MAST2: variants seen among roughly 807,000 people sequenced by gnomAD.
MAST2 encodes the protein microtubule-associated serine/threonine-protein kinase 2.
MAST2 carries 70 observed loss-of-function variants against 147.4 expected under a neutral mutation model. That is an observed-to-expected ratio of 0.47 (90% CI 0.39 to 0.58). The LOEUF is 0.58. Among genes scored for constraint, MAST2 ranks in the 20% least tolerant of loss-of-function variants. The pLI is 0.00. For synonymous variants in MAST2, 869 were observed against 896.8 expected, an observed-to-expected ratio of 0.97 and a Z score of 0.55; for missense variants, 2,080 against 2,302.3, an observed-to-expected ratio of 0.90 and a Z score of 1.98.
rs750059737 is a variant in MAST2 at position 46,034,059 on chromosome 1, C to G, written c.3675-14C>G. 11 of 1,611,070 alleles carry G rather than the reference C, an allele frequency of 6.8e-6. No individual in the cohort carries two copies. The highest frequency in any genetic ancestry group is 1.3e-5 in the African/African-American group (1 of 74,996). On this transcript the variant is annotated splice_polypyrimidine_tract_variant and intron_variant, in intron 27 of 28. Transcript: ENST00000361297. ...TCACTGCACCGACTCAGCCTTTGAC[C>G]CTTATCCCCGCAGCAGAAAAAGGAG...
At chr1:45,943,738 C>G (rs1031119600) in intron 4 of MAST2, among the ~76,000 whole-genome samples, 1 of 151,924 alleles carries the variant, frequency 6.6e-6, no homozygotes, top group Non-Finnish European at 1.5e-5. Context: ...AAGAGCAAAA[C>G]TCTGTCTCAA....
chr1:46,025,874 T>C, intron 16 of MAST2, 59 bp downstream of exon 16: 1 of 1,607,232 alleles, frequency 6.2e-7, no homozygotes, highest in Non-Finnish European at 8.5e-7. Context: ...CCAGATAAAA[T>C]GTTGGCAAGC....
At chr1:45,830,424 C>T (rs974920506) in intron 3 of MAST2, among the ~76,000 whole-genome samples, 1 of 152,100 alleles carries the variant, frequency 6.6e-6, no homozygotes, top group Non-Finnish European at 1.5e-5. Context: ...CCACCCACCT[C>T]AGCCTCCCAA....
chr1:45,987,763 TTTTTTTTTTTTTGA>T (rs1644689822), intron 5 of MAST2, among the ~76,000 whole-genome samples: 2 of 29,936 alleles, frequency 6.7e-5, no homozygotes, highest in South Asian at 9.8e-4. Flanking sequence ...GCATTTCTTG[TTTTTTTTTTTTTGA>T]TTTTTTTTTT....
chr1:46,019,481 G>C (rs1291738182), intron 10 of MAST2, 115 bp from the exon 11 acceptor site: 1 of 751,816 alleles, frequency 1.3e-6, no homozygotes, highest in East Asian at 2.6e-5. Flanking sequence ...CTTGCTTTGC[G>C]GAGCTCTCTA....
chr1:46,006,860 A>G (rs1645508688), intron 8 of MAST2, among the ~76,000 whole-genome samples: 1 of 152,216 alleles, frequency 6.6e-6, no homozygotes. Flanking sequence ...GGTATCATCA[A>G]TTCTGATGGT....
intron 5 of MAST2, among the ~76,000 whole-genome samples, chr1:45,962,824 A>C (rs181887657): frequency 6.6e-6 from 1 of 151,784 alleles, no homozygotes; most frequent in Non-Finnish European, 1.5e-5. Context: ...GCTTTTAGAC[A>C]TGAAGTCCTT....
chr1:45,904,256 C>A (rs1650283887), intron 4 of MAST2, among the ~76,000 whole-genome samples: 1 of 151,916 alleles, frequency 6.6e-6, no homozygotes, highest in East Asian at 1.9e-4. Flanking sequence ...CACTGCCAAC[C>A]TCTGCCTCCC....
At chr1:45,827,383 C>T (rs756123175) in intron 2 of MAST2, among the ~76,000 whole-genome samples, 1 of 152,098 alleles carries the variant, frequency 6.6e-6, no homozygotes, top group Admixed American at 6.6e-5. Flanking sequence ...TGGCAGTCTG[C>T]GGTATGCTTC....
chr1:45,937,608 C>T (rs551757805), intron 4 of MAST2, among the ~76,000 whole-genome samples: 5 of 151,876 alleles, frequency 3.3e-5, no homozygotes, highest in African/African-American at 4.8e-5. Flanking sequence ...AAAAATTAGC[C>T]GGGTGTAGTG....
At chr1:45,933,063 TAAAAAAAAAA>T (rs61544126) in intron 4 of MAST2, among the ~76,000 whole-genome samples, 3 of 88,262 alleles carry the variant, frequency 3.4e-5, no homozygotes, top group East Asian at 4.4e-4. Flanking sequence ...CCCATTTCTT[TAAAAAAAAAA>T]AAAAAAAAAA....
At chr1:45,996,177 T>G (rs1645050061) in intron 5 of MAST2, among the ~76,000 whole-genome samples, 1 of 151,914 alleles carries the variant, frequency 6.6e-6, no homozygotes, top group Non-Finnish European at 1.5e-5. Context: ...AGATTCTTTG[T>G]ACCTCTGTAA....
At chr1:45,917,142 T>A (rs972023586) in intron 4 of MAST2, among the ~76,000 whole-genome samples, 1 of 152,222 alleles carries the variant, frequency 6.6e-6, no homozygotes, top group Non-Finnish European at 1.5e-5. Context: ...TGTTGTATTT[T>A]AATTTTATGG....
intron 4 of MAST2, among the ~76,000 whole-genome samples, chr1:45,947,906 C>T (rs1658322014): frequency 6.6e-6 from 1 of 152,130 alleles, no homozygotes; most frequent in South Asian, 2.1e-4. Flanking sequence ...TTAGTAGAGA[C>T]AGGGTTTCAT....
intron 4 of MAST2, among the ~76,000 whole-genome samples, chr1:45,953,110 T>C (rs930175085): frequency 2.6e-5 from 4 of 152,178 alleles, no homozygotes; most frequent in African/African-American, 4.8e-5. Context: ...GTTGAGGTGC[T>C]GGTTAACTTT....
At chr1:45,948,512 C>T (rs1658433858) in intron 4 of MAST2, among the ~76,000 whole-genome samples, 1 of 151,828 alleles carries the variant, frequency 6.6e-6, no homozygotes, top group South Asian at 2.1e-4. Flanking sequence ...TCAAGACCAG[C>T]CTGGCTAATA....
At chr1:45,890,292 G>A (rs1276203135) in intron 4 of MAST2, among the ~76,000 whole-genome samples, 2 of 152,188 alleles carry the variant, frequency 1.3e-5, no homozygotes, top group African/African-American at 2.4e-5. Context: ...TATTAGCTCA[G>A]GCTGCTGTAA....
chr1:45,905,900 G>GT (rs1277783975), intron 4 of MAST2, among the ~76,000 whole-genome samples: 1 of 152,100 alleles, frequency 6.6e-6, no homozygotes, highest in Non-Finnish European at 1.5e-5. Flanking sequence ...TGTTTATACT[G>GT]TTGTACTTTC....
At chr1:46,029,786 A>T in intron 19 of MAST2, 45 bp from the exon 20 acceptor site, 1 of 1,608,030 alleles carries the variant, frequency 6.2e-7, no homozygotes, top group Non-Finnish European at 8.5e-7. Context: ...CCTAGACTCC[A>T]TGCTGCTCAT....
Sources: gnomAD v4.1 joint callset for allele counts (sites outside exome capture counted in the v4.1 genomes callset) on GRCh38, gnomAD v4.1.1 for gene constraint, MANE v1.5 for transcripts, NCBI Gene and HGNC (gene_info 2026-07-23, HGNC 2026-07-21) for gene names.